The following NRF1 variants were observed in gnomAD, a reference collection of about 807,000 sequenced individuals.
NRF1 encodes alpha palindromic-binding protein.
In NRF1, 5 loss-of-function variants were observed where a neutral mutation model predicts 58.5. The ratio of observed to expected loss-of-function variants is 0.09; its 90% CI spans 0.04 to 0.18. The LOEUF (loss-of-function observed/expected upper bound fraction) is 0.18. NRF1 is among the 10% of genes least tolerant of loss of function. The pLI is 1.00. For missense variants in NRF1, 288 were observed against 657.7 expected, an observed-to-expected ratio of 0.44 and a Z score of 6.15; for synonymous variants, 224 against 246.7, an observed-to-expected ratio of 0.91 and a Z score of 0.86.
intron 10 of NRF1, chr7:129,735,223 A>G: frequency 3.0e-6 from 3 of 985,386 alleles, no homozygotes; most frequent in Non-Finnish European, 3.6e-6. Context: ...AGAGAAATGG[A>G]CTGGAGGGCT....
At chr7:129,726,586 C>T (rs916616919) in intron 9 of NRF1, among the ~76,000 whole-genome samples, 2 of 152,230 alleles carry the variant, frequency 1.3e-5, no homozygotes, top group South Asian at 4.1e-4. Context: ...TTTGGACTTG[C>T]AGTGATAATT....
At chr7:129,647,198 C>T (rs1042658485) in intron 1 of NRF1, among the ~76,000 whole-genome samples, 16 of 151,666 alleles carry the variant, frequency 1.1e-4, no homozygotes, top group African/African-American at 3.1e-4. Context: ...CCACCATGTC[C>T]GGCTAATTTT....
At chr7:129,731,803 G>T (rs1803586282) in intron 10 of NRF1, among the ~76,000 whole-genome samples, 1 of 151,960 alleles carries the variant, frequency 6.6e-6, no homozygotes. Context: ...GTAGAGATGG[G>T]ATCTCCCTTT....
At chr7:129,663,579 C>T in intron 2 of NRF1, among the ~76,000 whole-genome samples, 1 of 149,178 alleles carries the variant, frequency 6.7e-6, no homozygotes, top group African/African-American at 2.5e-5. Flanking sequence ...GGCGGCCAGG[C>T]AGAGACGCTC....
intron 4 of NRF1, among the ~76,000 whole-genome samples, chr7:129,683,246 T>C (rs1171983578): frequency 2.6e-5 from 4 of 151,454 alleles, no homozygotes; most frequent in Non-Finnish European, 5.9e-5. Context: ...TTCAGAATTT[T>C]AGAATTTCAA....
chr7:129,630,815 TTTTA>T (rs1435594901), intron 1 of NRF1, among the ~76,000 whole-genome samples: 1 of 152,210 alleles, frequency 6.6e-6, no homozygotes, highest in African/African-American at 2.4e-5. Flanking sequence ...GAAAGAGTAT[TTTTA>T]TTTATTCTTT....
chr7:129,704,074 G>A (rs531278456), intron 5 of NRF1, among the ~76,000 whole-genome samples: 1 of 150,818 alleles, frequency 6.6e-6, no homozygotes, highest in South Asian at 2.1e-4. Context: ...TTAATTGAAG[G>A]GAGAGAAACA....
chr7:129,645,225 G>C (rs1037192080), intron 1 of NRF1, among the ~76,000 whole-genome samples: 2 of 152,156 alleles, frequency 1.3e-5, no homozygotes, highest in African/African-American at 4.8e-5. Flanking sequence ...AGTAGATTCT[G>C]TTATTTTCCT....
intron 1 of NRF1, among the ~76,000 whole-genome samples, chr7:129,619,338 C>T (rs1365417263): frequency 4.3e-5 from 6 of 139,444 alleles, no homozygotes; most frequent in African/African-American, 1.1e-4. Flanking sequence ...CATAGCAAGA[C>T]CTCGTATCTA....
At chr7:129,622,237 G>GA (rs1345380872) in intron 1 of NRF1, among the ~76,000 whole-genome samples, 2 of 152,040 alleles carry the variant, frequency 1.3e-5, no homozygotes, top group African/African-American at 4.8e-5. Flanking sequence ...TTTACGAGCA[G>GA]AAAAAATAAA....
intron 10 of NRF1, among the ~76,000 whole-genome samples, chr7:129,751,984 C>T (rs750776257): frequency 1.3e-5 from 2 of 152,212 alleles, no homozygotes; most frequent in Non-Finnish European, 2.9e-5. Flanking sequence ...CCCAGCTGCA[C>T]GTTGGTTGAG....
intron 10 of NRF1, among the ~76,000 whole-genome samples, chr7:129,736,748 CA>C (rs1803724941): frequency 6.7e-6 from 1 of 149,226 alleles, no homozygotes; most frequent in Non-Finnish European, 1.5e-5. Flanking sequence ...CTCCAGCCCA[CA>C]AAAAAAGGTT....
chr7:129,707,286 AC>A (rs531647651), intron 5 of NRF1, among the ~76,000 whole-genome samples: 119 of 152,240 alleles, frequency 7.8e-4, no homozygotes, highest in African/African-American at 2.8e-3. Context: ...GAGCCACTGC[AC>A]CCAACCCACT....
At chr7:129,654,489 G>T (rs1232842448) in intron 1 of NRF1, among the ~76,000 whole-genome samples, 3 of 151,996 alleles carry the variant, frequency 2.0e-5, no homozygotes, top group Non-Finnish European at 4.4e-5. Context: ...TCGATTTTTT[G>T]CTTTTATGGA....
intron 10 of NRF1, among the ~76,000 whole-genome samples, chr7:129,750,714 T>G (rs757439525): frequency 1.3e-4 from 20 of 152,228 alleles, no homozygotes; most frequent in Admixed American, 6.5e-5. Context: ...TGGCCAAATA[T>G]GCTTCTTCCC....
chr7:129,632,981 G>A (rs1455071394), intron 1 of NRF1, among the ~76,000 whole-genome samples: 1 of 140,134 alleles, frequency 7.1e-6, no homozygotes, highest in Non-Finnish European at 1.7e-5. Context: ...CAGTTTTAAG[G>A]ATTACATAAA....
chr7:129,619,459 CGTGTGTGTGT>C (rs199945725), intron 1 of NRF1, among the ~76,000 whole-genome samples: 2 of 61,158 alleles, frequency 3.3e-5, no homozygotes, highest in African/African-American at 1.5e-4. Flanking sequence ...TATATATACA[CGTGTGTGTGT>C]GTGTGTGTGT....
chr7:129,724,815 C>T (rs1173051613), intron 9 of NRF1, among the ~76,000 whole-genome samples: 1 of 152,148 alleles, frequency 6.6e-6, no homozygotes, highest in East Asian at 1.9e-4. Flanking sequence ...GTCAAAATCA[C>T]AGAGACAAAA....
At chr7:129,665,375 G>C (rs946977782) in intron 2 of NRF1, among the ~76,000 whole-genome samples, 1 of 152,130 alleles carries the variant, frequency 6.6e-6, no homozygotes, top group African/African-American at 2.4e-5. Context: ...CTGAGGAGCT[G>C]GTCTGTAGCA....
Sources: allele counts gnomAD v4.1 joint callset (sites outside exome capture counted in the v4.1 genomes callset), GRCh38; gene constraint gnomAD v4.1.1; transcripts MANE v1.5; gene names NCBI Gene and HGNC (gene_info 2026-07-23, HGNC 2026-07-21).